Variants in ARPP21 observed in about 807,000 individuals in gnomAD.
The protein encoded by ARPP21 is cAMP-regulated phosphoprotein 21.
In ARPP21, 69 loss-of-function variants were observed where a neutral mutation model predicts 113.2. That is an observed-to-expected ratio of 0.61 (90% CI 0.50 to 0.74). ARPP21 has a LOEUF of 0.74. Ranked by LOEUF, ARPP21 falls within the 30% of genes least tolerant of loss-of-function variation. The pLI is 0.00. For missense variants in ARPP21, 1,070 were observed against 1,037.4 expected (o/e 1.03, Z -0.43); for synonymous variants, 368 against 375.5 (o/e 0.98, Z 0.23).
At chr3:35,726,846 A>G (rs2093574651) in intron 14 of ARPP21, among the ~76,000 whole-genome samples, 2 of 152,186 alleles carry the variant, frequency 1.3e-5, no homozygotes, top group South Asian at 2.1e-4. Context: ...TCATGTTTGC[A>G]TAACATTAAA....
chr3:35,657,414 TG>T (rs1350041164), intron 1 of ARPP21, among the ~76,000 whole-genome samples: 2 of 152,166 alleles, frequency 1.3e-5, no homozygotes, highest in East Asian at 3.9e-4. Flanking sequence ...GCCAGGGATC[TG>T]ATCAGGTGAT....
intron 19 of ARPP21, among the ~76,000 whole-genome samples, chr3:35,750,598 G>T (rs887904114): frequency 3.3e-5 from 5 of 152,028 alleles, no homozygotes; most frequent in African/African-American, 4.8e-5. Flanking sequence ...TTATTTTGTT[G>T]TTCAGGTATT....
At chr3:35,697,474 T>A (rs1234582987) in intron 9 of ARPP21, among the ~76,000 whole-genome samples, 1 of 151,664 alleles carries the variant, frequency 6.6e-6, no homozygotes, top group African/African-American at 2.4e-5. Flanking sequence ...GTAACTGAGT[T>A]GGCTGTTTGG....
intron 19 of ARPP21, among the ~76,000 whole-genome samples, chr3:35,780,388 G>A (rs2096493640): frequency 1.3e-5 from 2 of 152,168 alleles, no homozygotes; most frequent in South Asian, 2.1e-4. Flanking sequence ...GGAATGGGCA[G>A]TTGCATATAT....
intron 19 of ARPP21, among the ~76,000 whole-genome samples, chr3:35,764,843 A>G (rs1215093910): frequency 1.3e-5 from 2 of 152,176 alleles, no homozygotes; most frequent in African/African-American, 4.8e-5. Flanking sequence ...ATAGAAATAC[A>G]TATGCATAGA....
intron 1 of ARPP21, chr3:35,640,941 T>A (rs1388846458): frequency 6.6e-6 from 1 of 152,184 alleles, no homozygotes; most frequent in Non-Finnish European, 1.5e-5. Context: ...GAAAGTTTCT[T>A]AGGAATAGGA....
chr3:35,731,362 A>T (rs2150523590), intron 15 of ARPP21, among the ~76,000 whole-genome samples: 1 of 152,314 alleles, frequency 6.6e-6, no homozygotes, highest in Non-Finnish European at 1.5e-5. Flanking sequence ...TTATCAAAAT[A>T]TCTCTTTTGT....
At chr3:35,765,840 A>G (rs962063611) in intron 19 of ARPP21, among the ~76,000 whole-genome samples, 5 of 152,176 alleles carry the variant, frequency 3.3e-5, no homozygotes, top group African/African-American at 1.2e-4. Context: ...TGCCATTTAT[A>G]TCTGTGTGAC....
intron 19 of ARPP21, chr3:35,774,965 C>G (rs2096311925): frequency 6.6e-6 from 1 of 152,130 alleles, no homozygotes; most frequent in Admixed American, 6.5e-5. Context: ...AACTAAGCAG[C>G]AGTTCCTAAA....
chr3:35,717,318 A>G lies in ARPP21; in HGVS notation c.956A>G (p.Asn319Ser), dbSNP rs1228761276. The change falls in exon 13 of 21, where the codon AAC (asparagine) becomes AGC (serine). Residue 319 changes from asparagine (N) to serine (S), a missense_variant. Coordinates refer to ENST00000684406, the MANE Select transcript of ARPP21 (RefSeq NM_001385562.1). ...VENSRLLEDS[N>S]ICNETYKKRQ... ...TCCAGTAGGCTCTTGGAAGACAGTA[A>G]CATATGCAATGAGACCTATAAGAAA... 6.2e-7 allele frequency: 1 copy of G among 1,606,518 alleles called. No homozygotes were observed. The highest frequency in any genetic ancestry group is 1.1e-5 in the South Asian group (1 of 90,884).
At chr3:35,748,110 G>GAAAGAAAGAAGA (rs371869205) in intron 19 of ARPP21, among the ~76,000 whole-genome samples, 6 of 95,902 alleles carry the variant, frequency 6.3e-5, no homozygotes, top group Non-Finnish European at 1.2e-4. Flanking sequence ...AAGAAAGAAA[G>GAAAGAAAGAAGA]AAGAAAGAAA....
At chr3:35,670,030 C>G (rs192226316) in intron 1 of ARPP21, among the ~76,000 whole-genome samples, 14 of 152,092 alleles carry the variant, frequency 9.2e-5, no homozygotes, top group African/African-American at 3.4e-4. Flanking sequence ...ATAGTTTCTG[C>G]CAGGTCCTTC....
chr3:35,712,548 G>GTGTC (rs1386207609), intron 11 of ARPP21, among the ~76,000 whole-genome samples: 2 of 151,068 alleles, frequency 1.3e-5, no homozygotes, highest in Admixed American at 6.7e-5. Flanking sequence ...GTGTGTGTGT[G>GTGTC]TGTGTGTGTG....
chr3:35,686,603 A>G (rs762116938), intron 5 of ARPP21, among the ~76,000 whole-genome samples: 2 of 151,646 alleles, frequency 1.3e-5, no homozygotes, highest in Non-Finnish European at 3.0e-5. Flanking sequence ...ACAAGCATCA[A>G]TTTAGTCACA....
intron 15 of ARPP21, among the ~76,000 whole-genome samples, chr3:35,733,763 G>C (rs1478154845): frequency 1.3e-5 from 2 of 151,914 alleles, no homozygotes; most frequent in African/African-American, 4.8e-5. Flanking sequence ...TCTCCCCTTG[G>C]TGAGCATAAA....
Position 35,752,451 on chromosome 3 carries a change from G to A in ARPP21, c.2137+8486G>A, listed in dbSNP as rs2095434201. On this transcript the variant is annotated intron_variant, in intron 19 of 20. Coordinates refer to ENST00000684406, the MANE Select transcript of ARPP21 (RefSeq NM_001385562.1). ...TCCCTCTGGAACAAAAATTCAAAAT[G>A]CCTTTCAACTCTTCAGTTATAGTTA... 2.0e-5 allele frequency among the ~76,000 whole-genome samples: 3 copies of A among 152,072 alleles called. No homozygotes were observed. The South Asian group carries it at 6.2e-4, about 32-fold the overall frequency.
At chr3:35,646,664 A>G (rs1202680001) in intron 1 of ARPP21, among the ~76,000 whole-genome samples, 1 of 152,138 alleles carries the variant, frequency 6.6e-6, no homozygotes, top group African/African-American at 2.4e-5. Flanking sequence ...GCTGTATTAA[A>G]ATTGCTATTA....
chr3:35,669,222 T>C (rs1414908844), intron 1 of ARPP21, among the ~76,000 whole-genome samples: 3 of 152,080 alleles, frequency 2.0e-5, no homozygotes, highest in Non-Finnish European at 2.9e-5. Flanking sequence ...ATAAGATTTT[T>C]CCCAAATATT....
chr3:35,765,203 T>C (rs1269161825), intron 19 of ARPP21, among the ~76,000 whole-genome samples: 1 of 152,144 alleles, frequency 6.6e-6, no homozygotes, highest in Non-Finnish European at 1.5e-5. Flanking sequence ...ACCTTAAATA[T>C]CCTGAGCTTA....
Sources: gnomAD v4.1 joint callset for allele counts (sites outside exome capture counted in the v4.1 genomes callset) on GRCh38, gnomAD v4.1.1 for gene constraint, MANE v1.5 for transcripts, NCBI Gene and HGNC (gene_info 2026-07-23, HGNC 2026-07-21) for gene names.